The following LUZP2 variants were observed in gnomAD, a reference collection of about 807,000 sequenced individuals.
LUZP2 encodes leucine zipper protein 2.
Under a neutral mutation model 51.6 loss-of-function variants are expected in LUZP2, and 52 were observed. The ratio of observed to expected loss-of-function variants is 1.01; its 90% CI spans 0.81 to 1.27. The LOEUF (loss-of-function observed/expected upper bound fraction) is 1.27, where lower values mean the gene tolerates loss of function less well. Among genes scored for constraint, LUZP2 ranks in the 50% most tolerant of loss-of-function variants. The pLI, the probability that LUZP2 is intolerant of heterozygous loss-of-function variation, is 0.00. For missense variants in LUZP2, 436 were observed against 395.4 expected (o/e 1.10, Z -0.87); for synonymous variants, 154 against 137.3 (o/e 1.12, Z -0.85).
intron 1 of LUZP2, among the ~76,000 whole-genome samples, chr11:24,536,872 G>A (rs1265285411): frequency 6.6e-6 from 1 of 151,788 alleles, no homozygotes; most frequent in South Asian, 2.1e-4. Context: ...TCGATTTAAA[G>A]TGAGATACAT....
intron 9 of LUZP2, among the ~76,000 whole-genome samples, chr11:24,984,524 TTA>T (rs1209500084): frequency 3.3e-5 from 3 of 90,086 alleles, no homozygotes; most frequent in African/African-American, 1.2e-4. Flanking sequence ...ATTACATATT[TTA>T]TATATATATA....
chr11:24,687,231 T>C (rs1856924039), intron 1 of LUZP2, among the ~76,000 whole-genome samples: 1 of 97,542 alleles, frequency 1.0e-5, no homozygotes, highest in African/African-American at 4.1e-5. Context: ...GATTTTTAAA[T>C]GCCCTTGTGT....
At chr11:25,045,216 A>C (rs568278140) in intron 9 of LUZP2, among the ~76,000 whole-genome samples, 2 of 152,168 alleles carry the variant, frequency 1.3e-5, no homozygotes, top group Non-Finnish European at 2.9e-5. Context: ...ATAATAATAA[A>C]AGAAAAAAAA....
chr11:24,960,910 T>G (rs570964782), intron 7 of LUZP2, among the ~76,000 whole-genome samples: 1 of 152,216 alleles, frequency 6.6e-6, no homozygotes, highest in Admixed American at 6.5e-5. Flanking sequence ...CTCTACAGAC[T>G]GCTTTGAATG....
At chr11:24,726,575 C>T (rs1395068817) in intron 1 of LUZP2, among the ~76,000 whole-genome samples, 1 of 151,972 alleles carries the variant, frequency 6.6e-6, no homozygotes, top group Non-Finnish European at 1.5e-5. Context: ...AATATTTACA[C>T]TTTTAGAAAC....
chr11:24,953,394 G>A (rs1376478628), intron 7 of LUZP2, among the ~76,000 whole-genome samples: 1 of 151,796 alleles, frequency 6.6e-6, no homozygotes, highest in East Asian at 1.9e-4. Context: ...ACTTAATCCC[G>A]ACATCTACAA....
At chr11:24,811,423 G>T (rs1008691322) in intron 5 of LUZP2, among the ~76,000 whole-genome samples, 1 of 151,988 alleles carries the variant, frequency 6.6e-6, no homozygotes, top group Non-Finnish European at 1.5e-5. Context: ...TTTGCTAGTC[G>T]CTGTCTTATC....
intron 10 of LUZP2, among the ~76,000 whole-genome samples, chr11:25,058,020 T>G (rs1335952101): frequency 6.6e-6 from 1 of 151,620 alleles, no homozygotes; most frequent in Non-Finnish European, 1.5e-5. Context: ...AATGCTTGGT[T>G]AACATAATTT....
At chr11:24,965,544 CATG>C (rs930709946) in intron 7 of LUZP2, among the ~76,000 whole-genome samples, 37 of 151,610 alleles carry the variant, frequency 2.4e-4, no homozygotes, top group African/African-American at 8.5e-4. Flanking sequence ...AAATATAAAA[CATG>C]AGATTATAAA....
chr11:24,551,695 T>G (rs1028915354), intron 1 of LUZP2, among the ~76,000 whole-genome samples: 3 of 151,956 alleles, frequency 2.0e-5, no homozygotes, highest in Non-Finnish European at 2.9e-5. Flanking sequence ...ATTGGAAATA[T>G]AGAGGAAAAT....
At chr11:24,878,135 C>T (rs1373824737) in intron 5 of LUZP2, among the ~76,000 whole-genome samples, 1 of 143,632 alleles carries the variant, frequency 7.0e-6, no homozygotes, top group Non-Finnish European at 1.5e-5. Flanking sequence ...TTACAATTAC[C>T]AGTAAGTTTT....
intron 6 of LUZP2, among the ~76,000 whole-genome samples, chr11:24,906,607 A>G (rs1471880594): frequency 6.6e-6 from 1 of 152,174 alleles, no homozygotes; most frequent in African/African-American, 2.4e-5. Flanking sequence ...CTCCAAGTCT[A>G]TTCTTATGAC....
chr11:24,838,013 CTGT>C (rs1204726115), intron 5 of LUZP2, among the ~76,000 whole-genome samples: 1 of 151,676 alleles, frequency 6.6e-6, no homozygotes, highest in Non-Finnish European at 1.5e-5. Flanking sequence ...ATATCAGGCA[CTGT>C]TGTTAGCCCT....
At position 24,884,956 on chromosome 11, in the gene LUZP2, A is replaced by G. The variant is rs113694959; in HGVS notation, c.397-21035A>G. On this transcript the variant is annotated intron_variant, in intron 5 of 11. Coordinates refer to ENST00000336930, the MANE Select transcript of LUZP2 (RefSeq NM_001009909.4). ...TGATTGCTATTCTGTATCTTTAGCTACATTTTTAACCTATCAGAATTATAA... is the reference window on the plus strand; with the variant it reads ...TGATTGCTATTCTGTATCTTTAGCTGCATTTTTAACCTATCAGAATTATAA... 8.5e-5 allele frequency among the ~76,000 whole-genome samples: 13 copies of G among 152,176 alleles called. 1 individual carries two copies. Among genetic ancestry groups the G allele is most frequent in the African/African-American group, 3.1e-4 (13 of 41,564 alleles).
intron 9 of LUZP2, among the ~76,000 whole-genome samples, chr11:24,984,656 T>G (rs1174971000): frequency 6.7e-6 from 1 of 150,154 alleles, no homozygotes; most frequent in Non-Finnish European, 1.5e-5. Context: ...CCCCCACCAT[T>G]TAAATTTATT....
At chr11:24,579,851 G>A (rs1045305367) in intron 1 of LUZP2, among the ~76,000 whole-genome samples, 2 of 152,060 alleles carry the variant, frequency 1.3e-5, no homozygotes, top group Admixed American at 1.3e-4. Context: ...CTAGGCAGTA[G>A]TCTTTTAACC....
intron 1 of LUZP2, among the ~76,000 whole-genome samples, chr11:24,624,430 A>G (rs372909851): frequency 9.0e-4 from 137 of 152,256 alleles, no homozygotes; most frequent in East Asian, 6.6e-3. Context: ...TAGCTGGTTA[A>G]ACATTTGTTT....
At position 24,874,288 on chromosome 11, in the gene LUZP2, G is replaced by A. The variant is rs375330342; in HGVS notation, c.397-31703G>A. Among the ~76,000 whole-genome samples the A allele has an allele frequency of 9.2e-4, 140 of 152,242 alleles. 1 individual carries two copies. The highest frequency in any genetic ancestry group is 2.8e-3 in the African/African-American group (118 of 41,546). ...CCCCTGTCAGGTTCCAACCTGAGCT[G>A]GGGTCCAAGGGGAGTTGGTAGATGG... is the stretch of plus-strand genomic sequence containing the variant. On this transcript the variant is annotated intron_variant, in intron 5 of 11. Transcript: ENST00000336930.
intron 1 of LUZP2, among the ~76,000 whole-genome samples, chr11:24,574,216 CTTTCTTTCTTTCTTTCTTTCTTT>C (rs1565000398): frequency 1.1e-3 from 92 of 81,926 alleles, no homozygotes; most frequent in African/African-American, 3.5e-3. Context: ...TCCTTCCTTT[CTTTCTTTCTTTCTTTCTTTCTTT>C]CTTTCTTTCT....
Sources: gnomAD v4.1 joint callset for allele counts (sites outside exome capture counted in the v4.1 genomes callset) on GRCh38, gnomAD v4.1.1 for gene constraint, MANE v1.5 for transcripts, NCBI Gene and HGNC (gene_info 2026-07-23, HGNC 2026-07-21) for gene names.